Variants in SESTD1 observed in about 807,000 individuals in gnomAD.
SESTD1 encodes SEC14 and spectrin domain containing 1.
SESTD1 carries 43 observed loss-of-function variants against 101.7 expected under a neutral mutation model. That is an observed-to-expected ratio of 0.42 (90% confidence interval 0.33 to 0.55). The LOEUF (loss-of-function observed/expected upper bound fraction) is 0.55, where lower values mean the gene tolerates loss of function less well. Among genes scored for constraint, SESTD1 ranks in the 20% least tolerant of loss-of-function variants. The pLI is 0.07. For missense variants in SESTD1, 647 were observed against 815.1 expected (o/e 0.79, Z 2.51); for synonymous variants, 283 against 286.8 (o/e 0.99, Z 0.13).
In SESTD1 at chr2:179,103,042, TCTTA is replaced by T. The variant is rs2044305694; in HGVS notation, c.*6853_*6856del. 1 of 152,106 alleles carries T rather than the reference TCTTA, an allele frequency of 6.6e-6. No homozygotes were observed. Among genetic ancestry groups the T allele is most frequent in the South Asian group, 2.1e-4 (1 of 4,826 alleles). 9.4% of individuals were successfully genotyped at this position (152,106 alleles called of 1,614,324 possible). A position where few individuals can be genotyped will look rare whatever the true frequency, so the allele number is the denominator to read the frequency against. ...ATAACCTTTTCTGTTCAATGATCAGTCTTACTTTACCTACTGAAAACGGGTGGTG... is the reference window on the plus strand; with the variant it reads ...ATAACCTTTTCTGTTCAATGATCAGTCTTTACCTACTGAAAACGGGTGGTG... On this transcript the variant is annotated 3_prime_UTR_variant, in exon 18 of 18. Transcript: ENST00000428443.
chr2:179,217,850 A>T (rs2105523495), intron 1 of SESTD1, among the ~76,000 whole-genome samples: 1 of 152,284 alleles, frequency 6.6e-6, no homozygotes, highest in Non-Finnish European at 1.5e-5. Flanking sequence ...TGAAGCTGGA[A>T]ACCATCATTC....
At chr2:179,117,438 TTTAGGACCATGAAAA>T in intron 14 of SESTD1, 79 bp downstream of exon 14, 4 of 1,162,002 alleles carry the variant, frequency 3.4e-6, no homozygotes, top group Non-Finnish European at 4.9e-6. Flanking sequence ...AATTTACTTT[TTTAGGACCATGAAAA>T]GTACACTTTT....
At chr2:179,252,510 T>C (rs1169227521) in intron 1 of SESTD1, among the ~76,000 whole-genome samples, 1 of 152,226 alleles carries the variant, frequency 6.6e-6, no homozygotes, top group Non-Finnish European at 1.5e-5. Context: ...TATAGTATCC[T>C]TCCTATCTGC....
chr2:179,177,923 T>C (rs2046039000), intron 3 of SESTD1, among the ~76,000 whole-genome samples: 1 of 152,200 alleles, frequency 6.6e-6, no homozygotes, highest in South Asian at 2.1e-4. Context: ...GAAAACATTA[T>C]GCTAAGTAAA....
Position 179,109,597 on chromosome 2 carries a change from C to T in SESTD1, c.*302G>A, listed in dbSNP as rs1469419168. On this transcript the variant is annotated 3_prime_UTR_variant, in exon 18 of 18. Transcript: ENST00000428443. ...AATTCCTACTCTTATTAGCACCATT[C>T]AAAGCTTATTATCAGTTGTTTGTCT... is the stretch of plus-strand genomic sequence containing the variant. The T allele has an allele frequency of 4.6e-6, 2 of 431,522 alleles. No individual in the cohort carries two copies. Among genetic ancestry groups the T allele is most frequent in the African/African-American group, 2.0e-5 (1 of 49,676 alleles). The allele number at this position is 431,522 out of a possible 1,614,324, so 26.7% of individuals were successfully genotyped here.
chr2:179,197,802 G>A lies in SESTD1; in HGVS notation c.-25-5936C>T, dbSNP rs2046427713. The stretch of plus-strand genomic sequence containing the variant: ...CCAGGCCTGCCCTAGAAGAGCTCTT[G>A]AAGGAAGCGCTAAACATGGAAAGGA... On this transcript the variant is annotated intron_variant, in intron 1 of 17. Transcript: ENST00000428443. 2.0e-5 allele frequency among the ~76,000 whole-genome samples: 3 copies of A among 152,108 alleles called. No homozygotes were observed. In the South Asian group the frequency reaches 6.2e-4, roughly 32 times the overall value.
chr2:179,144,253 T>C (rs573870621), intron 8 of SESTD1, among the ~76,000 whole-genome samples: 1 of 152,082 alleles, frequency 6.6e-6, no homozygotes. Context: ...CCAAGTAATA[T>C]GTTGTAGGAT....
At chr2:179,223,488 C>T (rs1038997696) in intron 1 of SESTD1, among the ~76,000 whole-genome samples, 2 of 151,564 alleles carry the variant, frequency 1.3e-5, no homozygotes, top group Admixed American at 1.3e-4. Context: ...CTGAATTGGT[C>T]ATTTTGTAAA....
chr2:179,229,816 C>CA (rs1265054191), intron 1 of SESTD1, among the ~76,000 whole-genome samples: 1 of 134,740 alleles, frequency 7.4e-6, no homozygotes, highest in South Asian at 2.5e-4. Flanking sequence ...CACACACACA[C>CA]AACCCTACTT....
At chr2:179,151,451 T>C (rs1461076868) in intron 5 of SESTD1, 60 bp from the exon 6 acceptor site, 3 of 1,202,466 alleles carry the variant, frequency 2.5e-6, no homozygotes, top group Non-Finnish European at 3.5e-6. Context: ...TCCACGAAAG[T>C]AACCAGGAGG....
chr2:179,110,087 A>C, intron 17 of SESTD1, 59 bp from the exon 18 acceptor site: 1 of 1,568,688 alleles, frequency 6.4e-7, no homozygotes, highest in Non-Finnish European at 8.7e-7. Flanking sequence ...AACTGCAGTG[A>C]ATACAAATAG....
At chr2:179,192,215 C>T (rs1435284666) in intron 1 of SESTD1, among the ~76,000 whole-genome samples, 1 of 152,180 alleles carries the variant, frequency 6.6e-6, no homozygotes, top group African/African-American at 2.4e-5. Context: ...CTGCCTGGTA[C>T]ATACTAGTAA....
At chr2:179,131,075 T>C (rs16866647) in intron 10 of SESTD1, among the ~76,000 whole-genome samples, 3,130 of 152,198 alleles carry the variant, frequency 0.021, 103 homozygotes, top group African/African-American at 0.068. Context: ...GGAATATATA[T>C]GTAGTGCCTT....
At chr2:179,225,800 C>G (rs1559151294) in intron 1 of SESTD1, among the ~76,000 whole-genome samples, 1 of 152,170 alleles carries the variant, frequency 6.6e-6, no homozygotes, top group Non-Finnish European at 1.5e-5. Context: ...GGGTGCTAGT[C>G]CCATTCACGA....
intron 12 of SESTD1, 135 bp from the exon 13 acceptor site, chr2:179,122,064 A>AGG (rs1473040763): frequency 3.1e-6 from 2 of 653,962 alleles, no homozygotes; most frequent in Non-Finnish European, 4.6e-6. Context: ...CTTGGGATGG[A>AGG]ATCCCAAGAC....
intron 1 of SESTD1, among the ~76,000 whole-genome samples, chr2:179,229,625 C>A (rs190093681): frequency 6.6e-6 from 1 of 150,984 alleles, no homozygotes; most frequent in Non-Finnish European, 1.5e-5. Context: ...CAAACAAGGA[C>A]GGCGGTAAAA....
At chr2:179,145,479 C>T (rs2045374863) in intron 8 of SESTD1, among the ~76,000 whole-genome samples, 1 of 151,814 alleles carries the variant, frequency 6.6e-6, no homozygotes, top group Non-Finnish European at 1.5e-5. Flanking sequence ...ATGTGGCACA[C>T]AGTAGGATTA....
At chr2:179,187,988 G>A (rs2046259314) in intron 2 of SESTD1, among the ~76,000 whole-genome samples, 2 of 152,028 alleles carry the variant, frequency 1.3e-5, no homozygotes, top group South Asian at 4.2e-4. Flanking sequence ...ATAATAGCAG[G>A]GGATTTCAAC....
chr2:179,122,215 C>T (rs1476795240), intron 12 of SESTD1, among the ~76,000 whole-genome samples: 1 of 152,118 alleles, frequency 6.6e-6, no homozygotes, highest in Non-Finnish European at 1.5e-5. Flanking sequence ...AAAATGAAAG[C>T]AGAAGAAAAA....
Sources: gnomAD v4.1 joint callset for allele counts (sites outside exome capture counted in the v4.1 genomes callset) on GRCh38, gnomAD v4.1.1 for gene constraint, MANE v1.5 for transcripts, NCBI Gene and HGNC (gene_info 2026-07-23, HGNC 2026-07-21) for gene names.